Variants in ZNF485 observed in about 807,000 individuals in gnomAD.
ZNF485 encodes zinc finger protein 485.
Under a neutral mutation model 10.8 loss-of-function variants are expected in ZNF485, and 9 were observed. The observed-to-expected ratio is 0.83, with a 90% CI of 0.50 to 1.45. The LOEUF (loss-of-function observed/expected upper bound fraction) is 1.45. ZNF485 is among the 40% of genes most tolerant of loss of function. The pLI is 0.00. For missense variants in ZNF485, 487 were observed against 528.0 expected (o/e 0.92, Z 0.76); for synonymous variants, 187 against 181.0 (o/e 1.03, Z -0.27).
intron 3 of ZNF485, among the ~76,000 whole-genome samples, chr10:43,608,982 G>A (rs1838713398): frequency 6.6e-6 from 1 of 152,166 alleles, no homozygotes; most frequent in South Asian, 2.1e-4. Flanking sequence ...GAATGTTTCT[G>A]TGTCATGATT....
At position 43,607,175 on chromosome 10, in the gene ZNF485, C is replaced by G. The variant is rs1588837858; in HGVS notation, c.24+101C>G. 3.6e-6 allele frequency: 5 copies of G among 1,401,082 alleles called. No homozygotes were observed. The East Asian group carries it at 9.9e-5, about 28-fold the overall frequency. 86.8% of individuals were successfully genotyped at this position (1,401,082 alleles called of 1,614,324 possible). ...TGCCCTGCCCTGTGTGTGGACAAAG[C>G]TACCCGAACCAATCCTGGATGGGTC... On this transcript the variant is annotated intron_variant, in intron 2 of 4. Coordinates refer to ENST00000361807, the MANE Select transcript of ZNF485 (RefSeq NM_145312.4).
intron 2 of ZNF485, 100 bp downstream of exon 2, chr10:43,607,174 G>T (rs1280092481): frequency 1.8e-5 from 26 of 1,448,538 alleles, no homozygotes; most frequent in Non-Finnish European, 2.4e-5. Flanking sequence ...TGTGGACAAA[G>T]CTACCCGAAC....
At chr10:43,612,672 A>G (rs1838787433) in intron 4 of ZNF485, among the ~76,000 whole-genome samples, 1 of 152,206 alleles carries the variant, frequency 6.6e-6, no homozygotes, top group Non-Finnish European at 1.5e-5. Context: ...AACTCTTAGT[A>G]ATATTCTCCA....
At chr10:43,609,664 C>T (rs1390685116) in intron 4 of ZNF485, among the ~76,000 whole-genome samples, 1 of 152,024 alleles carries the variant, frequency 6.6e-6, no homozygotes, top group Non-Finnish European at 1.5e-5. Context: ...CTTTCTACTT[C>T]TGTTCCATTT....
rs1480395186 is a variant in ZNF485 at position 43,617,186 on chromosome 10, C to T, written c.1143C>T (p.Pro381=). The T allele has an allele frequency of 6.2e-7, 1 of 1,614,078 alleles. No homozygotes were observed. Among genetic ancestry groups the T allele is most frequent in the Non-Finnish European group, 8.5e-7 (1 of 1,180,038 alleles). ...AGAGAATTCATACTGGAGAAAAACC[C>T]TATCACTGTAAGAAATGTGGGAAAG... ...GHQRIHTGEK[P]YHCKKCGKAF... Residue 381 remains proline (P), a synonymous_variant, in exon 5 of 5, where the codon CCC becomes CCT. Transcript: ENST00000361807.
At chr10:43,615,163 CATATAA>C (rs1213040811) in intron 4 of ZNF485, among the ~76,000 whole-genome samples, 1 of 152,112 alleles carries the variant, frequency 6.6e-6, no homozygotes, top group Non-Finnish European at 1.5e-5. Context: ...AGTATAAATA[CATATAA>C]ATATATGTAT....
At position 43,616,557 on chromosome 10, in the gene ZNF485, T is replaced by C; in HGVS notation, c.514T>C (p.Ser172Pro). Residue 172 changes from serine (S) to proline (P), a missense_variant, in exon 5 of 5, where the codon TCC (serine) becomes CCC (proline). Ser to Pro is a moderately conservative substitution (Grantham distance 74). Transcript: ENST00000361807. ...TGGGATCGCCTTTATGAACAGTTCA[T>C]CCCTTTTAAATCACCATAAGGTTCA... is the stretch of plus-strand genomic sequence containing the variant. ...ECGIAFMNSSSLLNHHKVHAG... is the reference protein window; with the variant it reads ...ECGIAFMNSSPLLNHHKVHAG... 1.9e-6 allele frequency: 3 copies of C among 1,614,202 alleles called. No homozygotes were observed. Among genetic ancestry groups the C allele is most frequent in the Non-Finnish European group, 2.5e-6 (3 of 1,180,036 alleles).
In ZNF485 at chr10:43,617,049, A is replaced by G. The variant is rs780507674; in HGVS notation, c.1006A>G (p.Arg336Gly). Reference sequence around the variant, plus strand: ...CTGCAGTAAATGTGGAAAATCTTTCAGGTATAGCTCATCCTTTGCTGGTCA... The same window carrying G: ...CTGCAGTAAATGTGGAAAATCTTTCGGGTATAGCTCATCCTTTGCTGGTCA... ...YHCSKCGKSF[R>G]YSSSFAGHQK... is the part of the protein sequence containing the mutation. Residue 336 changes from arginine (R) to glycine (G), a missense_variant, in exon 5 of 5, where the codon AGG becomes GGG. Transcript: ENST00000361807. The G allele has an allele frequency of 4.3e-6, 7 of 1,614,230 alleles. No individual in the cohort carries two copies. The highest frequency in any genetic ancestry group is 5.9e-6 in the Non-Finnish European group (7 of 1,180,036).
intron 1 of ZNF485, 103 bp from the exon 2 acceptor site, chr10:43,606,894 C>A: frequency 1.2e-6 from 1 of 830,154 alleles, no homozygotes; most frequent in Admixed American, 2.3e-5. Flanking sequence ...CCTGTCTGCC[C>A]ACCTGTGGAG....
intron 4 of ZNF485, among the ~76,000 whole-genome samples, chr10:43,612,339 T>G (rs1392980140): frequency 6.6e-6 from 1 of 152,228 alleles, no homozygotes; most frequent in Admixed American, 6.5e-5. Context: ...CTGCCCATTT[T>G]CATTGGGCTT....
At chr10:43,606,940 AT>A (rs1464789558) in intron 1 of ZNF485, 56 bp from the exon 2 acceptor site, 1 of 1,427,842 alleles carries the variant, frequency 7.0e-7, no homozygotes, top group Admixed American at 2.0e-5. Flanking sequence ...TAGAGGGCAG[AT>A]TCTAGCTAGG....
At chr10:43,606,913 C>A in intron 1 of ZNF485, 84 bp from the exon 2 acceptor site, 2 of 1,029,832 alleles carry the variant, frequency 1.9e-6, no homozygotes, top group Non-Finnish European at 2.9e-6. Flanking sequence ...AGGGAACGGG[C>A]GGGCGGGGAC....
chr10:43,608,618 C>T lies in ZNF485; in HGVS notation c.29C>T (p.Pro10Leu), dbSNP rs780534178. 1.3e-4 allele frequency: 217 copies of T among 1,612,978 alleles called. No individual in the cohort carries two copies. Among genetic ancestry groups the T allele is most frequent in the Middle Eastern group, 1.6e-4 (1 of 6,082 alleles). The change falls in exon 3 of 5, where the codon CCG becomes CTG. Residue 10 changes from proline (P) to leucine (L), a missense_variant. Transcript: ENST00000361807. MAPRAQIQG[P>L]LTFGDVAVAF... The stretch of plus-strand genomic sequence containing the variant: ...GAATTGGGTTTGGTTTTGCAGGGAC[C>T]GCTGACATTTGGGGATGTGGCTGTG...
chr10:43,611,490 T>A (rs1187224918), intron 4 of ZNF485, among the ~76,000 whole-genome samples: 2 of 152,198 alleles, frequency 1.3e-5, no homozygotes, highest in Non-Finnish European at 2.9e-5. Context: ...CTCATACACA[T>A]CAATTCTCTT....
chr10:43,608,803 G>A, intron 3 of ZNF485, 63 bp downstream of exon 3: 1 of 1,588,254 alleles, frequency 6.3e-7, no homozygotes, highest in Non-Finnish European at 8.6e-7. Flanking sequence ...TTTTCACAGG[G>A]TGAATGGTTT....
At chr10:43,612,837 G>T (rs545876330) in intron 4 of ZNF485, among the ~76,000 whole-genome samples, 1 of 151,884 alleles carries the variant, frequency 6.6e-6, no homozygotes, top group African/African-American at 2.4e-5. Context: ...TGAATCTTAA[G>T]TTCCTTTTCC....
At chr10:43,611,435 T>A (rs1838766442) in intron 4 of ZNF485, among the ~76,000 whole-genome samples, 2 of 152,166 alleles carry the variant, frequency 1.3e-5, no homozygotes, top group South Asian at 4.1e-4. Context: ...TAATCAGTTA[T>A]CTTTAGTGGA....
chr10:43,613,187 T>G (rs946530832), intron 4 of ZNF485, among the ~76,000 whole-genome samples: 2 of 152,356 alleles, frequency 1.3e-5, no homozygotes, highest in African/African-American at 4.8e-5. Flanking sequence ...TCTGTACCCA[T>G]GTAACCAAAA....
intron 4 of ZNF485, among the ~76,000 whole-genome samples, chr10:43,613,690 C>T (rs550050222): frequency 2.0e-5 from 3 of 152,288 alleles, no homozygotes; most frequent in African/African-American, 4.8e-5. Flanking sequence ...TTGGTTCCTA[C>T]GTGGCTACAT....
Sources: allele counts gnomAD v4.1 joint callset (sites outside exome capture counted in the v4.1 genomes callset), GRCh38; gene constraint gnomAD v4.1.1; transcripts MANE v1.5; gene names NCBI Gene and HGNC (gene_info 2026-07-23, HGNC 2026-07-21).